Variants in DNM3 observed in about 807,000 individuals in gnomAD.
DNM3 encodes the protein dynamin-3.
Under a neutral mutation model 101.6 loss-of-function variants are expected in DNM3, and 47 were observed. The observed-to-expected ratio is 0.46, with a 90% confidence interval of 0.37 to 0.59. The LOEUF is 0.59. Among genes scored for constraint, DNM3 ranks in the 20% least tolerant of loss-of-function variants. The pLI is 0.00. For synonymous variants in DNM3, 385 were observed against 387.9 expected, an observed-to-expected ratio of 0.99 and a Z score of 0.09; for missense variants, 849 against 1,085.7, an observed-to-expected ratio of 0.78 and a Z score of 3.06.
At chr1:172,057,067 TG>T (rs2050701705) in intron 10 of DNM3, among the ~76,000 whole-genome samples, 1 of 152,036 alleles carries the variant, frequency 6.6e-6, no homozygotes, top group Admixed American at 6.5e-5. Context: ...CAGGAGCCGA[TG>T]TGATCAACTG....
In DNM3 at chr1:171,983,575, G is replaced by T. The variant is rs577495755; in HGVS notation, c.236-4081G>T. On this transcript the variant is annotated intron_variant, in intron 2 of 20. Transcript: ENST00000627582. Reference sequence around the variant, plus strand: ...CTCCATCTCCTGACCTCTAAACTTTGGAAAACCCAGGGCCTGGTACTCTGA... The same window carrying T: ...CTCCATCTCCTGACCTCTAAACTTTTGAAAACCCAGGGCCTGGTACTCTGA... 2.0e-5 allele frequency among the ~76,000 whole-genome samples: 3 copies of T among 152,072 alleles called. No individual in the cohort carries two copies. In the East Asian group the frequency reaches 5.8e-4, roughly 29 times the overall value.
chr1:172,386,948 G>C, intron 18 of DNM3, 185 bp from the exon 19 acceptor site: 1 of 555,694 alleles, frequency 1.8e-6, no homozygotes, highest in East Asian at 3.1e-5. Flanking sequence ...AACTGTTACT[G>C]TCACCAGTAC....
intron 13 of DNM3, among the ~76,000 whole-genome samples, chr1:172,125,099 T>C (rs965527176): frequency 6.6e-6 from 1 of 152,170 alleles, no homozygotes; most frequent in Non-Finnish European, 1.5e-5. Flanking sequence ...GTATGTGAAC[T>C]ACCTTTATAG....
chr1:172,080,428 G>A (rs570035271), intron 11 of DNM3, among the ~76,000 whole-genome samples: 304 of 152,224 alleles, frequency 2.0e-3, no homozygotes, highest in African/African-American at 7.1e-3. Context: ...ACACTGTGAG[G>A]GGAAAACTGC....
Position 172,110,224 on chromosome 1 carries a change from A to G in DNM3, c.1545+17349A>G, listed in dbSNP as rs527939829. Among the ~76,000 whole-genome samples, 203 of 152,196 alleles carry G rather than the reference A, an allele frequency of 1.3e-3. 1 individual carries two copies. Among genetic ancestry groups the G allele is most frequent in the Non-Finnish European group, 1.4e-3 (95 of 68,008 alleles). ...TCTTTCTCTGTTCTTCTTTTCCATT[A>G]TTGCCAAAACATCATTTCATTTATC... On this transcript the variant is annotated intron_variant, in intron 13 of 20. Transcript: ENST00000627582.
intron 14 of DNM3, among the ~76,000 whole-genome samples, chr1:172,162,835 G>A: frequency 6.6e-6 from 1 of 151,840 alleles, no homozygotes. Flanking sequence ...TGTTTTCAGG[G>A]CTTTGCATAA....
intron 14 of DNM3, among the ~76,000 whole-genome samples, chr1:172,167,418 C>T (rs979731240): frequency 6.6e-6 from 1 of 152,008 alleles, no homozygotes; most frequent in African/African-American, 2.4e-5. Context: ...GATTTATAAT[C>T]CTCTGGGTAT....
intron 15 of DNM3, among the ~76,000 whole-genome samples, chr1:172,298,686 A>G (rs995146273): frequency 2.0e-4 from 31 of 152,242 alleles, no homozygotes; most frequent in African/African-American, 7.5e-4. Context: ...CTCCTAAGCC[A>G]TCATCTTCCC....
intron 2 of DNM3, among the ~76,000 whole-genome samples, chr1:171,956,853 C>T (rs1482540244): frequency 6.6e-6 from 1 of 152,164 alleles, no homozygotes; most frequent in Non-Finnish European, 1.5e-5. Flanking sequence ...AGACTCAATA[C>T]CACATGGAAG....
chr1:172,066,605 T>G (rs1326831754), intron 10 of DNM3, among the ~76,000 whole-genome samples: 1 of 152,146 alleles, frequency 6.6e-6, no homozygotes, highest in African/African-American at 2.4e-5. Flanking sequence ...ATAGCCACAT[T>G]GGGGATTGAA....
chr1:172,074,443 C>T (rs1041811574), intron 11 of DNM3, among the ~76,000 whole-genome samples: 28 of 152,210 alleles, frequency 1.8e-4, no homozygotes, highest in African/African-American at 6.0e-4. Flanking sequence ...TTAGGTATTT[C>T]TCCTAATGCT....
chr1:172,030,919 T>G (rs1558451328), intron 4 of DNM3, among the ~76,000 whole-genome samples: 1 of 152,136 alleles, frequency 6.6e-6, no homozygotes. Context: ...CTGGAGAGGA[T>G]GTGGAGAAAT....
rs564639743 is a variant in DNM3 at position 172,025,987 on chromosome 1, G to A, written c.590-6415G>A. ...GAATTGACAGAAATAGGCTTCACAA[G>A]GTGGGTAATAACAAACTCCTCTGAG... On this transcript the variant is annotated intron_variant, in intron 4 of 20. Transcript: ENST00000627582. Among the ~76,000 whole-genome samples, 18 of 152,198 alleles carry A rather than the reference G, an allele frequency of 1.2e-4. No individual in the cohort carries two copies. In the South Asian group the frequency reaches 3.7e-3, roughly 32 times the overall value.
chr1:172,156,670 G>T (rs190444527), intron 14 of DNM3, among the ~76,000 whole-genome samples: 147 of 151,790 alleles, frequency 9.7e-4, no homozygotes, highest in African/African-American at 3.4e-3. Flanking sequence ...AAAGCTAATT[G>T]CCTTAAATTC....
At chr1:171,942,780 G>A (rs942906598) in intron 2 of DNM3, among the ~76,000 whole-genome samples, 21 of 152,150 alleles carry the variant, frequency 1.4e-4, no homozygotes, top group African/African-American at 4.8e-4. Flanking sequence ...GGTGATCCAA[G>A]TGGCTATCTT....
intron 14 of DNM3, among the ~76,000 whole-genome samples, chr1:172,190,720 A>C (rs1446326617): frequency 6.6e-6 from 1 of 152,170 alleles, no homozygotes; most frequent in Non-Finnish European, 1.5e-5. Flanking sequence ...AACTGGTGTG[A>C]GATGGTATCT....
intron 14 of DNM3, among the ~76,000 whole-genome samples, chr1:172,214,826 T>C (rs990086855): frequency 1.3e-5 from 2 of 152,076 alleles, no homozygotes; most frequent in Non-Finnish European, 2.9e-5. Flanking sequence ...ATTAGTGTAT[T>C]TTAAATTAGT....
In DNM3 at chr1:172,056,171, G is replaced by T. The variant is rs1019065651; in HGVS notation, c.1335+7421G>T. Among the ~76,000 whole-genome samples, 6 of 152,180 alleles carry T rather than the reference G, an allele frequency of 3.9e-5. 1 individual carries two copies. The South Asian group carries it at 1.0e-3, about 26-fold the overall frequency. ...AGGGCACACCACGAGATTATATCCC[G>T]CACCTGGCTCAGAGGGTCCTACGCC... On this transcript the variant is annotated intron_variant, in intron 10 of 20. Transcript: ENST00000627582.
intron 2 of DNM3, among the ~76,000 whole-genome samples, chr1:171,955,611 T>C (rs1387650524): frequency 1.3e-5 from 2 of 152,204 alleles, no homozygotes. Context: ...ACTATAACCA[T>C]GTCTATTGTG....
Sources: allele counts gnomAD v4.1 joint callset (sites outside exome capture counted in the v4.1 genomes callset), GRCh38; gene constraint gnomAD v4.1.1; transcripts MANE v1.5; gene names NCBI Gene and HGNC (gene_info 2026-07-23, HGNC 2026-07-21).